Variants in FHL5 observed in about 807,000 individuals in gnomAD.
FHL5 encodes the protein four and a half LIM domains protein 5.
FHL5 carries 33 observed loss-of-function variants against 32.0 expected under a neutral mutation model. The observed-to-expected ratio is 1.03, with a 90% CI of 0.78 to 1.38. FHL5 has a LOEUF of 1.38. Among genes scored for constraint, FHL5 ranks in the 40% most tolerant of loss-of-function variants. FHL5 has a pLI of 0.00. For missense variants in FHL5, 336 were observed against 343.9 expected (o/e 0.98, Z 0.18); for synonymous variants, 114 against 113.6 (o/e 1.00, Z -0.02).
chr6:96,568,881 TTTTG>T (rs1770416975), intron 1 of FHL5, among the ~76,000 whole-genome samples: 1 of 151,896 alleles, frequency 6.6e-6, no homozygotes, highest in African/African-American at 2.4e-5. Flanking sequence ...GGAATGTTGA[TTTTG>T]TTTATCTTTT....
chr6:96,586,699 C>T (rs904547596), intron 1 of FHL5, among the ~76,000 whole-genome samples: 2 of 152,102 alleles, frequency 1.3e-5, no homozygotes, highest in African/African-American at 4.8e-5. Flanking sequence ...AAAATTAATC[C>T]TTTGTGCCCT....
intron 1 of FHL5, among the ~76,000 whole-genome samples, chr6:96,577,383 T>A (rs1770605594): frequency 6.6e-6 from 1 of 151,652 alleles, no homozygotes. Flanking sequence ...CCAACACACA[T>A]ACACACAGTA....
At chr6:96,573,998 A>T (rs1031745278) in intron 1 of FHL5, among the ~76,000 whole-genome samples, 6 of 152,070 alleles carry the variant, frequency 3.9e-5, no homozygotes, top group African/African-American at 1.4e-4. Context: ...AAGAGCCTTA[A>T]CATTTCAGCA....
At chr6:96,591,623 C>G (rs1354283161) in intron 1 of FHL5, among the ~76,000 whole-genome samples, 1 of 152,086 alleles carries the variant, frequency 6.6e-6, no homozygotes, top group African/African-American at 2.4e-5. Context: ...ATATATCTCT[C>G]CATTGTCTAG....
intron 1 of FHL5, among the ~76,000 whole-genome samples, chr6:96,602,553 T>C (rs901134445): frequency 6.8e-6 from 1 of 146,372 alleles, no homozygotes; most frequent in Admixed American, 6.9e-5. Context: ...TTCACGCCAT[T>C]CTTCTGCCTC....
In FHL5 at chr6:96,603,673, T is replaced by G; in HGVS notation, c.60T>G (p.Tyr20Ter). ...YCTASLLGKKYVLKDDSPYCV... is the reference protein window; with the variant it reads ...YCTASLLGKK Reference sequence around the variant, plus strand: ...CAGCATCACTTCTTGGGAAGAAATATGTACTAAAGGATGACAGTCCATACT... The same window carrying G: ...CAGCATCACTTCTTGGGAAGAAATAGGTACTAAAGGATGACAGTCCATACT... Residue 20 changes from tyrosine to a stop codon, truncating the protein, a stop_gained, in exon 2 of 6, where the codon TAT becomes TAG. Transcript: ENST00000450218. LOFTEE classifies it high-confidence loss of function. 1 of 1,612,930 alleles carries G rather than the reference T, an allele frequency of 6.2e-7. No homozygotes were observed. The highest frequency in any genetic ancestry group is 8.5e-7 in the Non-Finnish European group (1 of 1,179,294).
At chr6:96,570,951 T>C (rs2127958983) in intron 1 of FHL5, among the ~76,000 whole-genome samples, 1 of 152,286 alleles carries the variant, frequency 6.6e-6, no homozygotes, top group South Asian at 2.1e-4. Flanking sequence ...TAATTGAGTT[T>C]CCTTACAATC....
At chr6:96,581,087 T>A (rs1770687810) in intron 1 of FHL5, among the ~76,000 whole-genome samples, 1 of 152,132 alleles carries the variant, frequency 6.6e-6, no homozygotes, top group African/African-American at 2.4e-5. Flanking sequence ...TTATATAGGG[T>A]CAAGATGAAC....
chr6:96,598,353 A>G (rs1038762497), intron 1 of FHL5, among the ~76,000 whole-genome samples: 44 of 152,226 alleles, frequency 2.9e-4, no homozygotes, highest in African/African-American at 1.0e-3. Context: ...CCAAATCTGC[A>G]TCCTGAACAC....
intron 4 of FHL5, among the ~76,000 whole-genome samples, chr6:96,608,439 T>G (rs1343001533): frequency 3.3e-5 from 5 of 152,298 alleles, no homozygotes; most frequent in Non-Finnish European, 1.5e-5. Flanking sequence ...TTGATCAAGA[T>G]GATCCAATCT....
intron 1 of FHL5, among the ~76,000 whole-genome samples, chr6:96,585,394 T>C (rs1770777140): frequency 6.6e-6 from 1 of 152,142 alleles, no homozygotes; most frequent in African/African-American, 2.4e-5. Flanking sequence ...GATATATTTA[T>C]ACAGGTAAAA....
chr6:96,596,156 G>A (rs1175190805), intron 1 of FHL5, among the ~76,000 whole-genome samples: 1 of 151,880 alleles, frequency 6.6e-6, no homozygotes, highest in Admixed American at 6.6e-5. Flanking sequence ...GTAAATACTT[G>A]GATAACAAGG....
At chr6:96,585,703 A>C (rs1215291770) in intron 1 of FHL5, among the ~76,000 whole-genome samples, 1 of 152,204 alleles carries the variant, frequency 6.6e-6, no homozygotes, top group Non-Finnish European at 1.5e-5. Flanking sequence ...ATTTAGAATA[A>C]GAATATATGG....
intron 4 of FHL5, among the ~76,000 whole-genome samples, chr6:96,610,093 C>T (rs1771366428): frequency 6.6e-6 from 1 of 152,280 alleles, no homozygotes; most frequent in East Asian, 1.9e-4. Flanking sequence ...TTCTTTTAAG[C>T]ATCCCTAAAG....
chr6:96,603,828 T>C (rs1771210606), intron 2 of FHL5, 56 bp downstream of exon 2: 2 of 1,396,182 alleles, frequency 1.4e-6, no homozygotes, highest in African/African-American at 1.4e-5. Flanking sequence ...ACAAGTGGGT[T>C]GGAGTGCCTC....
chr6:96,597,327 AG>A (rs1321256734), intron 1 of FHL5, among the ~76,000 whole-genome samples: 4 of 151,628 alleles, frequency 2.6e-5, no homozygotes, highest in African/African-American at 9.7e-5. Context: ...TTTTCCCTTA[AG>A]GGGAATAGCT....
chr6:96,582,237 T>C (rs1002139425), intron 1 of FHL5, among the ~76,000 whole-genome samples: 5 of 152,132 alleles, frequency 3.3e-5, no homozygotes, highest in African/African-American at 1.2e-4. Context: ...GCAAGACTAA[T>C]GGTAGATTTA....
chr6:96,593,994 C>T (rs1160194333), intron 1 of FHL5, among the ~76,000 whole-genome samples: 1 of 151,616 alleles, frequency 6.6e-6, no homozygotes, highest in Non-Finnish European at 1.5e-5. Flanking sequence ...TCTCTTTATG[C>T]ATTAGTTTGT....
At chr6:96,590,875 T>G (rs1378791483) in intron 1 of FHL5, among the ~76,000 whole-genome samples, 1 of 152,086 alleles carries the variant, frequency 6.6e-6, no homozygotes, top group Non-Finnish European at 1.5e-5. Flanking sequence ...GTAAAATTAT[T>G]GAAACACAGT....
Sources: allele counts gnomAD v4.1 joint callset (sites outside exome capture counted in the v4.1 genomes callset), GRCh38; gene constraint gnomAD v4.1.1; transcripts MANE v1.5; gene names NCBI Gene and HGNC (gene_info 2026-07-23, HGNC 2026-07-21).